LMX1B: variants seen among roughly 807,000 people sequenced by gnomAD.
The protein encoded by LMX1B is LIM homeobox transcription factor 1 beta, also known as LIM homeobox transcription factor 1-beta.
A neutral mutation model predicts 51.4 loss-of-function variants in LMX1B; 12 were observed. The ratio of observed to expected loss-of-function variants is 0.23; its 90% confidence interval spans 0.15 to 0.38. LMX1B has a LOEUF of 0.38. LMX1B is among the 10% of genes least tolerant of loss of function. The pLI, the probability that LMX1B is intolerant of heterozygous loss-of-function variation, is 1.00. For synonymous variants in LMX1B, 237 were observed against 235.4 expected (o/e 1.01, Z -0.06); for missense variants, 445 against 571.1 (o/e 0.78, Z 2.25).
intron 2 of LMX1B, among the ~76,000 whole-genome samples, chr9:126,638,591 G>T (rs1835756031): frequency 6.6e-6 from 1 of 152,212 alleles, no homozygotes; most frequent in African/African-American, 2.4e-5. Flanking sequence ...GGCCCGCTTG[G>T]CAGTTTTTAA....
chr9:126,625,056 G>A lies in LMX1B; in HGVS notation c.326+9487G>A, dbSNP rs1237101324. On this transcript the variant is annotated intron_variant, in intron 2 of 7. Transcript: ENST00000373474. The surrounding 1 kb of genome is among the most constrained non-coding windows in gnomAD (Gnocchi z 5.3). ...TCAGAGGCTGTGCCGCTCAAACCGC[G>A]GGGCCCTTTGTCCCACGGAGTGAAC... 6.6e-6 allele frequency among the ~76,000 whole-genome samples: 1 copy of A among 152,246 alleles called. No homozygotes were observed. The highest frequency in any genetic ancestry group is 2.4e-5 in the African/African-American group (1 of 41,464).
At chr9:126,635,119 G>A (rs1481927544) in intron 2 of LMX1B, among the ~76,000 whole-genome samples, 1 of 152,218 alleles carries the variant, frequency 6.6e-6, no homozygotes, top group Non-Finnish European at 1.5e-5. Context: ...TCACAGATGA[G>A]GGGACTGACA....
chr9:126,680,854 T>G (rs1836657470), intron 2 of LMX1B, among the ~76,000 whole-genome samples: 1 of 152,166 alleles, frequency 6.6e-6, no homozygotes. Flanking sequence ...GCTCGCAGCC[T>G]CCCTGATGCC....
chr9:126,626,993 C>A lies in LMX1B; in HGVS notation c.326+11424C>A, dbSNP rs549026445. Among the ~76,000 whole-genome samples, 2 of 152,310 alleles carry A rather than the reference C, an allele frequency of 1.3e-5. No homozygotes were observed. Among genetic ancestry groups the A allele is most frequent in the Non-Finnish European group, 2.9e-5 (2 of 68,020 alleles). On this transcript the variant is annotated intron_variant, in intron 2 of 7. Coordinates refer to ENST00000373474, the MANE Select transcript of LMX1B (RefSeq NM_001174147.2). The surrounding 1 kb of genome is among the most constrained non-coding windows in gnomAD (Gnocchi z 4.3). ...AAGAGGCCTTGGTCTTGGGGGAGGCCCCCGCCTGAGCATTGATAAGGGTCT... is the reference window on the plus strand; with the variant it reads ...AAGAGGCCTTGGTCTTGGGGGAGGCACCCGCCTGAGCATTGATAAGGGTCT...
intron 2 of LMX1B, among the ~76,000 whole-genome samples, chr9:126,687,306 A>AGCCTGGGAGGT (rs1193134729): frequency 2.0e-5 from 3 of 151,488 alleles, no homozygotes; most frequent in African/African-American, 7.3e-5. Context: ...TTGGCTCACC[A>AGCCTGGGAGGT]CAATCTCCAC....
chr9:126,620,241 GTAA>G (rs1214196443), intron 2 of LMX1B, among the ~76,000 whole-genome samples: 1 of 152,144 alleles, frequency 6.6e-6, no homozygotes, highest in Non-Finnish European at 1.5e-5. Flanking sequence ...GTAGGACACT[GTAA>G]AAGTCTTGCC....
Position 126,664,409 on chromosome 9 carries a change from G to T in LMX1B, c.327-26427G>T, listed in dbSNP as rs547427184. ...CACCCAAACAGACAGCCCCAGGGAT[G>T]GGGGGGAGGCAGTTATACCCCTTCC... On this transcript the variant is annotated intron_variant, in intron 2 of 7. Coordinates refer to ENST00000373474, the MANE Select transcript of LMX1B (RefSeq NM_001174147.2). Among the ~76,000 whole-genome samples the T allele has an allele frequency of 9.9e-5, 15 of 152,242 alleles. No homozygotes were observed. In the South Asian group the frequency reaches 2.7e-3, roughly 27 times the overall value.
At position 126,674,283 on chromosome 9, in the gene LMX1B, C is replaced by G. The variant is rs138814157; in HGVS notation, c.327-16553C>G. ...AGCCCTCCTCACCCCAACACCATGC[C>G]CTGTGGAAGCTCCTCTTCCTTTATT... is the stretch of plus-strand genomic sequence containing the variant. On this transcript the variant is annotated intron_variant, in intron 2 of 7. Coordinates refer to ENST00000373474, the MANE Select transcript of LMX1B (RefSeq NM_001174147.2). 9.2e-4 allele frequency among the ~76,000 whole-genome samples: 140 copies of G among 152,240 alleles called. 1 individual carries two copies. Among genetic ancestry groups the G allele is most frequent in the Middle Eastern group, 3.4e-3 (1 of 294 alleles).
intron 2 of LMX1B, among the ~76,000 whole-genome samples, chr9:126,621,804 T>G (rs1373603348): frequency 1.3e-5 from 2 of 151,980 alleles, no homozygotes; most frequent in Non-Finnish European, 2.9e-5. Flanking sequence ...GGGGGGAAGG[T>G]GTAACTGACG....
rs1588313240 is a variant in LMX1B, at chr9:126,700,471, C to T, written c.*4020C>T. The T allele has an allele frequency of 1.3e-5, 2 of 152,414 alleles. No homozygotes were observed. Among genetic ancestry groups the T allele is most frequent in the South Asian group, 4.1e-4 (2 of 4,834 alleles). The allele number at this position is 152,414 out of a possible 1,614,324, so 9.4% of individuals were successfully genotyped here. ...CTCAGGAAGGAGGATTGCCTGATGCCTGCCTGGCTCCATCCTTGAGCTCTG... is the reference window on the plus strand; with the variant it reads ...CTCAGGAAGGAGGATTGCCTGATGCTTGCCTGGCTCCATCCTTGAGCTCTG... On this transcript the variant is annotated 3_prime_UTR_variant, in exon 8 of 8. Transcript: ENST00000373474.
chr9:126,672,287 C>T (rs1309971882), intron 2 of LMX1B, among the ~76,000 whole-genome samples: 1 of 152,188 alleles, frequency 6.6e-6, no homozygotes, highest in Non-Finnish European at 1.5e-5. Flanking sequence ...TGGTAGCTCC[C>T]CCTGCCTTAG....
At chr9:126,637,822 T>TCC (rs56108871) in intron 2 of LMX1B, among the ~76,000 whole-genome samples, 24 of 92,052 alleles carry the variant, frequency 2.6e-4, no homozygotes, top group African/African-American at 5.8e-4. Flanking sequence ...GTGCCTGTCC[T>TCC]CCCCCCCCCC....
rs543325544 is a variant in LMX1B at position 126,652,304 on chromosome 9, G to T, written c.326+36735G>T. On this transcript the variant is annotated intron_variant, in intron 2 of 7. Transcript: ENST00000373474. The stretch of plus-strand genomic sequence containing the variant: ...GGAGTCTGAGGAGGAGAAGGGGGGG[G>T]GGATTTTCTCTTTCTTCCCGGCCTG... Among the ~76,000 whole-genome samples the T allele has an allele frequency of 9.2e-4, 137 of 148,824 alleles. 3 individuals carry two copies. The East Asian group carries it at 0.024, about 27-fold the overall frequency.
At position 126,677,032 on chromosome 9, in the gene LMX1B, C is replaced by G. The variant is rs1836576556; in HGVS notation, c.327-13804C>G. The stretch of plus-strand genomic sequence containing the variant: ...GCGGTGATTAAGCGGCTCAGGCAGG[C>G]AGCGGGCGGCTGGGGCGGGGCATGG... On this transcript the variant is annotated intron_variant, in intron 2 of 7. Coordinates refer to ENST00000373474, the MANE Select transcript of LMX1B (RefSeq NM_001174147.2). The surrounding 1 kb of genome is among the most constrained non-coding windows in gnomAD (Gnocchi z 5.0). 2.6e-5 allele frequency among the ~76,000 whole-genome samples: 4 copies of G among 152,210 alleles called. 1 individual carries two copies. In the South Asian group the frequency reaches 8.3e-4, roughly 32 times the overall value.
chr9:126,635,608 G>A (rs1428322344), intron 2 of LMX1B, among the ~76,000 whole-genome samples: 1 of 152,172 alleles, frequency 6.6e-6, no homozygotes, highest in East Asian at 1.9e-4. Flanking sequence ...TTTTTCACCT[G>A]TAAAATTGTT....
chr9:126,643,750 C>T (rs886997354), intron 2 of LMX1B, among the ~76,000 whole-genome samples: 20 of 152,282 alleles, frequency 1.3e-4, no homozygotes, highest in South Asian at 6.2e-4. Flanking sequence ...CCTTGTGTTT[C>T]CCCAGTACTT....
At chr9:126,638,040 G>C (rs1373093723) in intron 2 of LMX1B, among the ~76,000 whole-genome samples, 1 of 151,564 alleles carries the variant, frequency 6.6e-6, no homozygotes, top group Non-Finnish European at 1.5e-5. Flanking sequence ...GCCCATGGCA[G>C]GCAGCCTTGT....
chr9:126,694,045 C>T (rs1029714552), intron 6 of LMX1B, among the ~76,000 whole-genome samples: 1 of 152,196 alleles, frequency 6.6e-6, no homozygotes, highest in African/African-American at 2.4e-5. Context: ...GGAACTTCTG[C>T]TTTAAAACCA....
chr9:126,696,510 C>G lies in LMX1B; in HGVS notation c.*59C>G. ...GCCTGGGGGGGACTGCCAGCCTCTG[C>G]GGCCAGCCTGGCCACCCCCGCCCTG... is the stretch of plus-strand genomic sequence containing the variant. On this transcript the variant is annotated 3_prime_UTR_variant, in exon 8 of 8. Transcript: ENST00000373474. 6.3e-7 allele frequency: 1 copy of G among 1,596,428 alleles called. No individual in the cohort carries two copies. Among genetic ancestry groups the G allele is most frequent in the East Asian group, 2.2e-5 (1 of 44,742 alleles).
Sources: allele counts gnomAD v4.1 joint callset (sites outside exome capture counted in the v4.1 genomes callset), GRCh38; gene constraint gnomAD v4.1.1; non-coding constraint Gnocchi (gnomAD v3.1); transcripts MANE v1.5; gene names NCBI Gene and HGNC (gene_info 2026-07-23, HGNC 2026-07-21).